YAE1: variants seen among roughly 807,000 people sequenced by gnomAD.
The protein encoded by YAE1 is protein YAE1 homolog.
A neutral mutation model predicts 23.0 loss-of-function variants in YAE1; 22 were observed. That is an observed-to-expected ratio of 0.96 (90% CI 0.68 to 1.37). The LOEUF is 1.37. Among genes scored for constraint, YAE1 ranks in the 40% most tolerant of loss-of-function variants. The probability of loss-of-function intolerance (pLI) is 0.00; values close to 1 mark genes in which losing one functional copy is unlikely to be tolerated. For synonymous variants in YAE1, 101 were observed against 97.0 expected (o/e 1.04, Z -0.24); for missense variants, 260 against 262.1 (o/e 0.99, Z 0.06).
chr7:39,577,299 C>G (rs1289530488), downstream of YAE1, among the ~76,000 whole-genome samples: 2 of 152,282 alleles, frequency 1.3e-5, no homozygotes, highest in South Asian at 2.1e-4. Flanking sequence ...TGGCAGCCCT[C>G]TCTCACTCTA....
chr7:39,568,710 C>T (rs924426524), intron 1 of YAE1, among the ~76,000 whole-genome samples: 20 of 151,904 alleles, frequency 1.3e-4, no homozygotes, highest in Admixed American at 7.9e-4. Context: ...AAATGTAACC[C>T]GTAATAAATA....
chr7:39,571,334 G>A (rs1184012986), intron 2 of YAE1, among the ~76,000 whole-genome samples: 2 of 145,494 alleles, frequency 1.4e-5, no homozygotes, highest in African/African-American at 5.1e-5. Flanking sequence ...TTTATGTGTG[G>A]CCCAAGACAG....
At chr7:39,572,234 A>G in intron 2 of YAE1, 43 bp from the exon 3 acceptor site, 1 of 1,527,356 alleles carries the variant, frequency 6.5e-7, no homozygotes, top group Non-Finnish European at 8.8e-7. Context: ...TATATTTTTA[A>G]GTCCTATTTT....
intron 2 of YAE1, among the ~76,000 whole-genome samples, chr7:39,590,119 A>G (rs1290946629): frequency 6.6e-6 from 1 of 152,238 alleles, no homozygotes; most frequent in Non-Finnish European, 1.5e-5. Flanking sequence ...GAGTGTATAC[A>G]TAAGTCATTA....
At chr7:39,580,526 C>G (rs951308900) in intron 2 of YAE1, among the ~76,000 whole-genome samples, 12 of 150,926 alleles carry the variant, frequency 8.0e-5, no homozygotes, top group African/African-American at 2.4e-4. Context: ...TGCAACTCAC[C>G]ACTGAGAGAG....
intron 1 of YAE1, chr7:39,569,886 T>G (rs1203514804): frequency 9.2e-7 from 1 of 1,090,670 alleles, no homozygotes; most frequent in African/African-American, 1.6e-5. Context: ...ATCTTTACAA[T>G]GATAAATAGT....
In YAE1 at chr7:39,572,724, T is replaced by G. The variant is rs6462933; in HGVS notation, c.*18T>G. 9.2e-3 allele frequency: 14,150 copies of G among 1,542,790 alleles called. 1,055 individuals are homozygous for G. In the African/African-American group the frequency reaches 0.17, roughly 18 times the overall value. Reference sequence around the variant, plus strand: ...AACTATAAAATTACCTTCCCTTTTCTAATGAAAATAATGTTCAGAACATTT... The same window carrying G: ...AACTATAAAATTACCTTCCCTTTTCGAATGAAAATAATGTTCAGAACATTT... On this transcript the variant is annotated 3_prime_UTR_variant, in exon 3 of 3. Coordinates refer to ENST00000223273, the MANE Select transcript of YAE1 (RefSeq NM_020192.5).
At chr7:39,570,679 G>T (rs779231569) in intron 2 of YAE1, 52 bp downstream of exon 2, 2 of 1,539,052 alleles carry the variant, frequency 1.3e-6, no homozygotes, top group Non-Finnish European at 8.7e-7. Context: ...TACTACTGGA[G>T]GATGTTTCTG....
At chr7:39,586,995 G>C (rs571362903) in intron 2 of YAE1, among the ~76,000 whole-genome samples, 4 of 126,722 alleles carry the variant, frequency 3.2e-5, no homozygotes, top group Non-Finnish European at 6.9e-5. Context: ...CTAAAGCCTG[G>C]AAAGAGTCTT....
intron 2 of YAE1, among the ~76,000 whole-genome samples, chr7:39,597,710 G>A (rs11983755): frequency 0.14 from 21,616 of 152,054 alleles, 3,990 homozygotes; most frequent in African/African-American, 0.43. Context: ...CAATAGATAC[G>A]GCCCGAAAGT....
chr7:39,589,424 C>T (rs1347812910), intron 2 of YAE1, among the ~76,000 whole-genome samples: 1 of 152,002 alleles, frequency 6.6e-6, no homozygotes, highest in Non-Finnish European at 1.5e-5. Flanking sequence ...TGCACCACCA[C>T]GCCTGGCTAA....
chr7:39,580,881 C>G (rs867209242), intron 2 of YAE1, among the ~76,000 whole-genome samples: 2 of 152,246 alleles, frequency 1.3e-5, no homozygotes, highest in Middle Eastern at 6.8e-3. Context: ...GAAAAAAGCA[C>G]CTTTTTTCCA....
chr7:39,599,789 A>G (rs1322513352), intron 2 of YAE1, among the ~76,000 whole-genome samples: 1 of 151,386 alleles, frequency 6.6e-6, no homozygotes, highest in Non-Finnish European at 1.5e-5. Context: ...GCTGGAGTGC[A>G]TGTTGGCCAG....
At chr7:39,572,156 A>T in intron 2 of YAE1, 121 bp from the exon 3 acceptor site, 1 of 1,022,888 alleles carries the variant, frequency 9.8e-7, no homozygotes. Flanking sequence ...GTTATGAAAG[A>T]GGGGTTATGA....
intron 2 of YAE1, among the ~76,000 whole-genome samples, chr7:39,591,714 A>G (rs1790903183): frequency 6.6e-6 from 1 of 151,368 alleles, no homozygotes; most frequent in African/African-American, 2.5e-5. Context: ...TTACATTAGC[A>G]TTCACTTGGT....
At chr7:39,606,999 T>C (rs968996322) in intron 2 of YAE1, among the ~76,000 whole-genome samples, 9 of 152,236 alleles carry the variant, frequency 5.9e-5, no homozygotes, top group Non-Finnish European at 1.3e-4. Flanking sequence ...AGTGGTTTGC[T>C]TGCTATCAAC....
chr7:39,597,137 T>TA (rs897341355), intron 2 of YAE1, among the ~76,000 whole-genome samples: 6 of 152,212 alleles, frequency 3.9e-5, no homozygotes, highest in Non-Finnish European at 7.4e-5. Context: ...TTCTTCATAG[T>TA]AAAAAAAGAT....
chr7:39,600,956 C>T (rs1258770063), intron 2 of YAE1, among the ~76,000 whole-genome samples: 4 of 152,160 alleles, frequency 2.6e-5, no homozygotes, highest in East Asian at 1.9e-4. Flanking sequence ...GTTTAAGCCA[C>T]CCAGTTTGTG....
At chr7:39,574,964 C>G (rs1012804591), downstream of YAE1, among the ~76,000 whole-genome samples, 4 of 152,164 alleles carry the variant, frequency 2.6e-5, no homozygotes, top group African/African-American at 9.7e-5. Flanking sequence ...CATGCTGATT[C>G]TACCTGTGTT....
Sources: allele counts gnomAD v4.1 joint callset (sites outside exome capture counted in the v4.1 genomes callset), GRCh38; gene constraint gnomAD v4.1.1; transcripts MANE v1.5; gene names NCBI Gene and HGNC (gene_info 2026-07-23, HGNC 2026-07-21).